PSD3: variants seen among roughly 807,000 people sequenced by gnomAD.
PSD3 encodes the protein pleckstrin and Sec7 domain containing 3, also known as PH and SEC7 domain-containing protein 3.
In PSD3, 49 loss-of-function variants were observed where a neutral mutation model predicts 105.5. The observed-to-expected ratio is 0.46, with a 90% CI of 0.37 to 0.59. The LOEUF (loss-of-function observed/expected upper bound fraction) is 0.59, where lower values mean the gene tolerates loss of function less well. PSD3 is among the 20% of genes least tolerant of loss of function. PSD3 has a pLI of 0.00. For synonymous variants in PSD3, 557 were observed against 457.8 expected (o/e 1.22, Z -2.77); for missense variants, 1,561 against 1,263.8 (o/e 1.24, Z -3.57).
Position 18,528,108 on chromosome 8 carries a change from C to T in PSD3, c.*7635G>A, listed in dbSNP as rs1157430396. 1 of 152,174 alleles carries T rather than the reference C, an allele frequency of 6.6e-6. No homozygotes were observed. Among genetic ancestry groups the T allele is most frequent in the Non-Finnish European group, 1.5e-5 (1 of 68,032 alleles). The allele number at this position is 152,174 out of a possible 1,614,324, so 9.4% of individuals were successfully genotyped here. On this transcript the variant is annotated 3_prime_UTR_variant, in exon 16 of 16. Transcript: ENST00000327040. ...GCCTTTCTGCCTGTCCTATGGTAAT[C>T]AAGGCTGACAATATAAATTCTCCGC...
chr8:18,660,750 T>C (rs1396626009), intron 9 of PSD3, among the ~76,000 whole-genome samples: 1 of 152,238 alleles, frequency 6.6e-6, no homozygotes, highest in Non-Finnish European at 1.5e-5. Flanking sequence ...AAAAAATCAC[T>C]GCTTTGCAAG....
intron 8 of PSD3, among the ~76,000 whole-genome samples, chr8:18,780,562 T>C (rs1808510291): frequency 6.6e-6 from 1 of 152,122 alleles, no homozygotes; most frequent in African/African-American, 2.4e-5. Context: ...ATTTATTTAT[T>C]TTTTTGTGAG....
intron 4 of PSD3, among the ~76,000 whole-genome samples, chr8:18,822,455 T>C (rs1812823594): frequency 6.6e-6 from 1 of 152,134 alleles, no homozygotes; most frequent in African/African-American, 2.4e-5. Flanking sequence ...TGGACAAACA[T>C]ACTCTTAAGA....
At chr8:18,725,259 A>T (rs907582422) in intron 9 of PSD3, among the ~76,000 whole-genome samples, 1 of 152,180 alleles carries the variant, frequency 6.6e-6, no homozygotes, top group African/African-American at 2.4e-5. Flanking sequence ...GAAAATAGTA[A>T]TCTTTCTCTT....
intron 10 of PSD3, among the ~76,000 whole-genome samples, chr8:18,651,800 G>C (rs941920904): frequency 1.3e-5 from 2 of 152,176 alleles, no homozygotes; most frequent in African/African-American, 2.4e-5. Context: ...AACATAAAAT[G>C]ATTATGGGAT....
chr8:18,859,529 T>C (rs561268991), intron 4 of PSD3, among the ~76,000 whole-genome samples: 22 of 152,362 alleles, frequency 1.4e-4, no homozygotes, highest in African/African-American at 5.0e-4. Context: ...AGACAGCATC[T>C]TTTTCCAATA....
At chr8:18,539,548 T>C (rs1052064181) in intron 15 of PSD3, among the ~76,000 whole-genome samples, 2 of 105,422 alleles carry the variant, frequency 1.9e-5, no homozygotes, top group East Asian at 3.0e-4. Flanking sequence ...AGTAAATTAC[T>C]TTTTTTTTTT....
intron 14 of PSD3, among the ~76,000 whole-genome samples, chr8:18,566,874 A>G (rs1466613620): frequency 6.6e-6 from 1 of 152,206 alleles, no homozygotes; most frequent in Non-Finnish European, 1.5e-5. Context: ...GTTCCAGTGT[A>G]AGTCATCTGT....
chr8:18,834,431 C>G (rs1243129411), intron 4 of PSD3, among the ~76,000 whole-genome samples: 2 of 152,172 alleles, frequency 1.3e-5, no homozygotes, highest in Non-Finnish European at 2.9e-5. Flanking sequence ...TTGTACTGAG[C>G]ATTCTAATCA....
intron 14 of PSD3, among the ~76,000 whole-genome samples, chr8:18,559,666 T>C (rs1185393526): frequency 1.3e-5 from 2 of 152,228 alleles, no homozygotes; most frequent in East Asian, 3.8e-4. Context: ...GCAAATATGC[T>C]TTCAGATGTT....
chr8:18,572,788 G>T, intron 13 of PSD3, 116 bp from the exon 14 acceptor site: 1 of 1,174,316 alleles, frequency 8.5e-7, no homozygotes. Flanking sequence ...ACTCCTCCTG[G>T]TACAACTAAT....
intron 14 of PSD3, among the ~76,000 whole-genome samples, chr8:18,571,894 G>T (rs1369016283): frequency 1.6e-5 from 2 of 127,726 alleles, no homozygotes; most frequent in Non-Finnish European, 3.4e-5. Context: ...AGCAAACCTA[G>T]CTGGTAGGTA....
chr8:18,542,598 T>C (rs769956548), intron 15 of PSD3, among the ~76,000 whole-genome samples: 10 of 152,188 alleles, frequency 6.6e-5, no homozygotes, highest in Non-Finnish European at 1.3e-4. Context: ...AAAATTAACA[T>C]AGTTCCAGAT....
At position 18,837,428 on chromosome 8, in the gene PSD3, C is replaced by G. The variant is rs371991642; in HGVS notation, c.1634+30246G>C. 7.8e-4 allele frequency among the ~76,000 whole-genome samples: 119 copies of G among 152,236 alleles called. 2 individuals are homozygous for G. In the South Asian group the frequency reaches 0.024, roughly 31 times the overall value. The stretch of plus-strand genomic sequence containing the variant: ...GGTAAAATAAACATTCCTATGCATA[C>G]GCCAAGCTCAAGAGGAGTAGGAGCA... On this transcript the variant is annotated intron_variant, in intron 4 of 15. Coordinates refer to ENST00000327040, the MANE Select transcript of PSD3 (RefSeq NM_015310.4).
chr8:18,781,304 C>T (rs913876536), intron 8 of PSD3, among the ~76,000 whole-genome samples: 8 of 152,178 alleles, frequency 5.3e-5, no homozygotes, highest in African/African-American at 1.9e-4. Context: ...CTACACAGCC[C>T]TTCTGATGCA....
In PSD3 at chr8:18,549,735, T is replaced by C. The variant is rs986868952; in HGVS notation, c.2928+6474A>G. Among the ~76,000 whole-genome samples, 4 of 152,356 alleles carry C rather than the reference T, an allele frequency of 2.6e-5. 1 individual carries two copies. The highest frequency in any genetic ancestry group is 2.4e-5 in the African/African-American group (1 of 41,582). On this transcript the variant is annotated intron_variant, in intron 15 of 15. Coordinates refer to ENST00000327040, the MANE Select transcript of PSD3 (RefSeq NM_015310.4). ...AAAATTTAAATTCACACCTAGGTGG[T>C]TTACATTTATTTCTAATGGAAGGCA...
At chr8:18,837,008 G>C (rs569488699) in intron 4 of PSD3, among the ~76,000 whole-genome samples, 1 of 150,748 alleles carries the variant, frequency 6.6e-6, no homozygotes, top group Non-Finnish European at 1.5e-5. Context: ...TTTTGTTTCC[G>C]GTTTGATCTG....
intron 12 of PSD3, 50 bp downstream of exon 12, chr8:18,600,314 T>A: frequency 6.8e-7 from 1 of 1,471,858 alleles, no homozygotes; most frequent in South Asian, 1.2e-5. Flanking sequence ...CTGGACCTCA[T>A]GTAATTATTT....
At chr8:19,019,348 A>G (rs1039861181) in intron 1 of PSD3, among the ~76,000 whole-genome samples, 4 of 152,210 alleles carry the variant, frequency 2.6e-5, no homozygotes, top group Non-Finnish European at 4.4e-5. Flanking sequence ...ATTGTGATCT[A>G]TGGCTCACTC....
Sources: allele counts gnomAD v4.1 joint callset (sites outside exome capture counted in the v4.1 genomes callset), GRCh38; gene constraint gnomAD v4.1.1; transcripts MANE v1.5; gene names NCBI Gene and HGNC (gene_info 2026-07-23, HGNC 2026-07-21).